The following VGLL4 variants were observed in gnomAD, a reference collection of about 807,000 sequenced individuals.
VGLL4 encodes transcription cofactor vestigial-like protein 4.
Under a neutral mutation model 21.0 loss-of-function variants are expected in VGLL4, and 7 were observed. The ratio of observed to expected loss-of-function variants is 0.33; its 90% confidence interval spans 0.19 to 0.63. The LOEUF (loss-of-function observed/expected upper bound fraction) is 0.63, where lower values mean the gene tolerates loss of function less well. Among genes scored for constraint, VGLL4 ranks in the 20% least tolerant of loss-of-function variants. The pLI, the probability that VGLL4 is intolerant of heterozygous loss-of-function variation, is 0.78. For missense variants in VGLL4, 394 were observed against 425.7 expected (o/e 0.93, Z 0.66); for synonymous variants, 222 against 173.2 (o/e 1.28, Z -2.21).
chr3:11,571,577 G>A (rs2073779060), intron 2 of VGLL4, among the ~76,000 whole-genome samples: 1 of 151,986 alleles, frequency 6.6e-6, no homozygotes, highest in Admixed American at 6.5e-5. Context: ...CTACTCAGGA[G>A]GATGGCTGGA....
chr3:11,689,470 A>G (rs1040048111), intron 2 of VGLL4, among the ~76,000 whole-genome samples: 1 of 152,218 alleles, frequency 6.6e-6, no homozygotes, highest in East Asian at 1.9e-4. Flanking sequence ...TTTAATGTCC[A>G]TGAACTTTCT....
Position 11,556,902 on chromosome 3 carries a change from C to G in VGLL4, c.*1654G>C, listed in dbSNP as rs2072475370. 1 of 152,782 alleles carries G rather than the reference C, an allele frequency of 6.5e-6. No individual in the cohort carries two copies. The allele number at this position is 152,782 out of a possible 1,614,324, so 9.5% of individuals were successfully genotyped here. ...AGGAGAAGGGCTTTTCTTTCCTCCA[C>G]TTTTCAAAGGCCTGCAGCCACTCTG... On this transcript the variant is annotated 3_prime_UTR_variant, in exon 5 of 5. Coordinates refer to ENST00000430365, the MANE Select transcript of VGLL4 (RefSeq NM_001128219.3).
intron 2 of VGLL4, among the ~76,000 whole-genome samples, chr3:11,667,945 C>T (rs2076151614): frequency 6.7e-6 from 1 of 149,410 alleles, no homozygotes; most frequent in African/African-American, 2.5e-5. Flanking sequence ...CCTCCGCCTC[C>T]CGGGTTCAAG....
chr3:11,589,919 C>T (rs990362626), intron 2 of VGLL4, among the ~76,000 whole-genome samples: 2 of 152,174 alleles, frequency 1.3e-5, no homozygotes, highest in African/African-American at 2.4e-5. Flanking sequence ...AGCATCACAT[C>T]GGGGGTTGAG....
intron 1 of VGLL4, among the ~76,000 whole-genome samples, chr3:11,623,624 G>A (rs2075303962): frequency 6.6e-6 from 1 of 152,166 alleles, no homozygotes; most frequent in Non-Finnish European, 1.5e-5. Context: ...CTGTCTGCAG[G>A]TGACAAATGT....
chr3:11,657,358 G>T (rs1026457783), intron 2 of VGLL4, among the ~76,000 whole-genome samples: 5 of 152,016 alleles, frequency 3.3e-5, no homozygotes, highest in African/African-American at 1.2e-4. Context: ...TTGGCTCCTG[G>T]GTTTATGCTG....
intron 1 of VGLL4, among the ~76,000 whole-genome samples, chr3:11,619,058 C>G (rs2075216401): frequency 6.6e-6 from 1 of 152,190 alleles, no homozygotes; most frequent in Non-Finnish European, 1.5e-5. Flanking sequence ...TACTTCAGAT[C>G]TCTCCTTAGC....
chr3:11,706,968 T>C (rs546386715), intron 1 of VGLL4, among the ~76,000 whole-genome samples: 2 of 152,240 alleles, frequency 1.3e-5, no homozygotes, highest in Non-Finnish European at 2.9e-5. Context: ...CAGGCAGTTG[T>C]CATCATCTGT....
rs144654520 is a variant in VGLL4 at position 11,673,785 on chromosome 3, G to A, written c.64+29186C>T. Among the ~76,000 whole-genome samples, 1,000 of 152,116 alleles carry A rather than the reference G, an allele frequency of 6.6e-3. 5 individuals carry two copies. The highest frequency in any genetic ancestry group is 0.02 in the African/African-American group (834 of 41,514). On this transcript the variant is annotated intron_variant, in intron 2 of 5. Transcript: ENST00000273038. ...TCCTAGCACTTTGGGAGGCCAAGGT[G>A]GGTGGATCACTTGAGGTCAGGGGTT...
intron 2 of VGLL4, among the ~76,000 whole-genome samples, chr3:11,691,506 A>G (rs998722256): frequency 6.6e-6 from 1 of 152,208 alleles, no homozygotes; most frequent in African/African-American, 2.4e-5. Flanking sequence ...TACACCCATC[A>G]TGGCTGATTT....
intron 1 of VGLL4, among the ~76,000 whole-genome samples, chr3:11,718,228 GT>G (rs1445732033): frequency 4.6e-5 from 7 of 152,188 alleles, no homozygotes; most frequent in African/African-American, 1.7e-4. Context: ...CATTTCCACC[GT>G]GGGGGAGATG....
At chr3:11,582,425 G>A (rs1414553954) in intron 2 of VGLL4, 4 of 1,503,410 alleles carry the variant, frequency 2.7e-6, no homozygotes, top group Non-Finnish European at 1.8e-6. Context: ...AGTCCTCCCT[G>A]AAAGGAGGGT....
intron 1 of VGLL4, among the ~76,000 whole-genome samples, chr3:11,638,565 C>A (rs1239321381): frequency 1.3e-5 from 2 of 152,034 alleles, no homozygotes; most frequent in Non-Finnish European, 2.9e-5. Context: ...CCCCCACTGG[C>A]CCCCACTCCC....
At chr3:11,626,591 C>T in intron 1 of VGLL4, 1 of 313,058 alleles carries the variant, frequency 3.2e-6, no homozygotes, top group South Asian at 2.8e-5. Context: ...TGGCTAAGAG[C>T]TATGGTTATC....
intron 2 of VGLL4, among the ~76,000 whole-genome samples, chr3:11,665,811 G>A (rs757229982): frequency 6.6e-6 from 1 of 152,234 alleles, no homozygotes; most frequent in Non-Finnish European, 1.5e-5. Flanking sequence ...ACATTCTAGT[G>A]TATGTGAAAG....
intron 2 of VGLL4, among the ~76,000 whole-genome samples, chr3:11,672,611 A>T (rs972117454): frequency 3.9e-5 from 6 of 152,214 alleles, no homozygotes; most frequent in Non-Finnish European, 1.5e-5. Context: ...CCCCTTGCAG[A>T]GACTTTGCTA....
intron 2 of VGLL4, among the ~76,000 whole-genome samples, chr3:11,582,686 GA>G (rs1367353487): frequency 6.6e-6 from 1 of 152,180 alleles, no homozygotes; most frequent in Non-Finnish European, 1.5e-5. Flanking sequence ...TAAGGCTAAA[GA>G]AAACACAGGA....
At chr3:11,709,485 C>T (rs1258098511) in intron 1 of VGLL4, among the ~76,000 whole-genome samples, 1 of 150,502 alleles carries the variant, frequency 6.6e-6, no homozygotes, top group Admixed American at 6.6e-5. Flanking sequence ...ACTGTGTGCT[C>T]CACTGCACTG....
At chr3:11,683,821 A>C (rs1306688108) in intron 2 of VGLL4, among the ~76,000 whole-genome samples, 1 of 152,010 alleles carries the variant, frequency 6.6e-6, no homozygotes, top group Non-Finnish European at 1.5e-5. Context: ...AAAATAACTC[A>C]ACTCTTACCT....
Sources: gnomAD v4.1 joint callset for allele counts (sites outside exome capture counted in the v4.1 genomes callset) on GRCh38, gnomAD v4.1.1 for gene constraint, MANE v1.5 for transcripts, NCBI Gene and HGNC (gene_info 2026-07-23, HGNC 2026-07-21) for gene names.